PEBP4: variants seen among roughly 807,000 people sequenced by gnomAD.
PEBP4 encodes the protein phosphatidylethanolamine-binding protein 4.
PEBP4 carries 22 observed loss-of-function variants against 23.9 expected under a neutral mutation model. That is an observed-to-expected ratio of 0.92 (90% CI 0.66 to 1.31). The LOEUF (loss-of-function observed/expected upper bound fraction) is 1.31. Ranked by LOEUF, PEBP4 falls within the 40% of genes most tolerant of loss-of-function variation. PEBP4 has a pLI of 0.00. For synonymous variants in PEBP4, 112 were observed against 99.3 expected (o/e 1.13, Z -0.76); for missense variants, 324 against 281.7 (o/e 1.15, Z -1.07).
rs550446576 is a variant in PEBP4, at chr8:22,861,238, A to G, written c.259-43503T>C. 5.9e-5 allele frequency among the ~76,000 whole-genome samples: 9 copies of G among 152,292 alleles called. No individual in the cohort carries two copies. In the South Asian group the frequency reaches 1.7e-3, roughly 28 times the overall value. On this transcript the variant is annotated intron_variant, in intron 3 of 6. Transcript: ENST00000256404. ...AAAGAATTTCACTTTAGCCTACTGAAGTCAGCAGAGGGAGAAGTGGAGGTT... is the reference window on the plus strand; with the variant it reads ...AAAGAATTTCACTTTAGCCTACTGAGGTCAGCAGAGGGAGAAGTGGAGGTT...
chr8:22,852,216 C>A (rs186193299), intron 3 of PEBP4, among the ~76,000 whole-genome samples: 46 of 152,280 alleles, frequency 3.0e-4, no homozygotes, highest in Non-Finnish European at 4.7e-4. Context: ...TTGCCGATTT[C>A]TCTTCCCAAT....
chr8:22,798,301 C>T (rs907597386), intron 4 of PEBP4, among the ~76,000 whole-genome samples: 10 of 152,098 alleles, frequency 6.6e-5, no homozygotes, highest in Non-Finnish European at 1.3e-4. Context: ...AACAACTTGC[C>T]GGTGAACACA....
chr8:22,865,963 G>C lies in PEBP4; in HGVS notation c.259-48228C>G, dbSNP rs1426470917. Reference sequence around the variant, plus strand: ...GGCGCCGGGCGGTGCTGCCCGGAGAGCGCGCAGCCCCCAGCCGGCCGCGCC... The same window carrying C: ...GGCGCCGGGCGGTGCTGCCCGGAGACCGCGCAGCCCCCAGCCGGCCGCGCC... On this transcript the variant is annotated intron_variant, in intron 3 of 6. Coordinates refer to ENST00000256404, the MANE Select transcript of PEBP4 (RefSeq NM_144962.3). This position sits in a 1 kb window ranked among gnomAD's most constrained non-coding sequence, Gnocchi z 6.9. Among the ~76,000 whole-genome samples, 1 of 151,896 alleles carries C rather than the reference G, an allele frequency of 6.6e-6. No individual in the cohort carries two copies. Among genetic ancestry groups the C allele is most frequent in the African/African-American group, 2.4e-5 (1 of 41,398 alleles).
At chr8:22,817,259 A>T (rs1806763916) in intron 4 of PEBP4, among the ~76,000 whole-genome samples, 1 of 152,190 alleles carries the variant, frequency 6.6e-6, no homozygotes, top group Non-Finnish European at 1.5e-5. Context: ...AGTGCCCCCA[A>T]ATCCAGTGGT....
chr8:22,734,597 A>G (rs1215577203), intron 4 of PEBP4, among the ~76,000 whole-genome samples: 2 of 152,228 alleles, frequency 1.3e-5, no homozygotes, highest in Non-Finnish European at 2.9e-5. Flanking sequence ...ATCTTGGCAC[A>G]GTCTGGCAAT....
chr8:22,841,963 G>A (rs1056969494), intron 3 of PEBP4, among the ~76,000 whole-genome samples: 22 of 152,202 alleles, frequency 1.4e-4, no homozygotes, highest in South Asian at 6.2e-4. Flanking sequence ...TATAAGAAAC[G>A]GGCAAGAGAG....
intron 3 of PEBP4, among the ~76,000 whole-genome samples, chr8:22,900,986 GTGACAGA>G (rs1318349965): frequency 6.6e-6 from 1 of 152,230 alleles, no homozygotes; most frequent in Non-Finnish European, 1.5e-5. Flanking sequence ...GCAGCAAGAA[GTGACAGA>G]TGACAGGAGG....
chr8:22,921,672 C>A (rs2466220), intron 2 of PEBP4, among the ~76,000 whole-genome samples: 90,901 of 152,174 alleles, frequency 0.6, 27,610 homozygotes, highest in East Asian at 0.78. Flanking sequence ...GAGTGGAAGC[C>A]GGATGAGTCA....
chr8:22,758,382 G>A (rs532873904), intron 4 of PEBP4, among the ~76,000 whole-genome samples: 24 of 152,324 alleles, frequency 1.6e-4, no homozygotes, highest in African/African-American at 4.6e-4. Context: ...GGCCACATAT[G>A]GTTTTGGTCA....
chr8:22,761,223 A>G (rs971185219), intron 4 of PEBP4, among the ~76,000 whole-genome samples: 4 of 151,954 alleles, frequency 2.6e-5, no homozygotes, highest in Non-Finnish European at 5.9e-5. Flanking sequence ...GCCCCGGGGA[A>G]CTGTGGGGTG....
At chr8:22,930,112 C>G (rs11135688), upstream of PEBP4, among the ~76,000 whole-genome samples, 24,792 of 152,154 alleles carry the variant, frequency 0.16, 2,455 homozygotes, top group East Asian at 0.41. Flanking sequence ...GACCCAGAGT[C>G]CTTCACGTGG....
chr8:22,899,728 G>A (rs538360184), intron 3 of PEBP4, among the ~76,000 whole-genome samples: 1 of 152,302 alleles, frequency 6.6e-6, no homozygotes, highest in South Asian at 2.1e-4. Context: ...ATGCTAGAAA[G>A]GAAATTAAAA....
chr8:22,793,335 T>C (rs1806178808), intron 4 of PEBP4, among the ~76,000 whole-genome samples: 1 of 152,242 alleles, frequency 6.6e-6, no homozygotes, highest in Admixed American at 6.5e-5. Context: ...GGCATGATCT[T>C]GGCTCACTGC....
At chr8:22,789,311 C>T (rs1423049885) in intron 4 of PEBP4, among the ~76,000 whole-genome samples, 1 of 152,052 alleles carries the variant, frequency 6.6e-6, no homozygotes, top group East Asian at 1.9e-4. Flanking sequence ...CGGAAATCAC[C>T]CCTAGAGATC....
chr8:22,724,671 A>G (rs549172845), intron 6 of PEBP4, among the ~76,000 whole-genome samples, 172 bp downstream of exon 6: 25 of 152,312 alleles, frequency 1.6e-4, no homozygotes, highest in Non-Finnish European at 2.9e-4. Context: ...CCTGATGCCA[A>G]CATCTTTAGG....
chr8:22,940,645 C>T (rs922536996), intron 1 of PEBP4, among the ~76,000 whole-genome samples: 5 of 152,034 alleles, frequency 3.3e-5, no homozygotes, highest in Non-Finnish European at 7.4e-5. Context: ...ACCACCACCA[C>T]GCCTGGTTAA....
intron 3 of PEBP4, among the ~76,000 whole-genome samples, chr8:22,827,457 C>A (rs1273170076): frequency 1.3e-5 from 2 of 152,134 alleles, no homozygotes; most frequent in Non-Finnish European, 2.9e-5. Flanking sequence ...CTCCTTTTTG[C>A]CCTTCCTGGA....
intron 3 of PEBP4, among the ~76,000 whole-genome samples, chr8:22,845,755 C>T (rs1585303729): frequency 2.0e-5 from 3 of 152,370 alleles, no homozygotes; most frequent in Admixed American, 6.5e-5. Context: ...CCCCATAAGG[C>T]GCCTCTCGCC....
chr8:22,940,484 A>ATTT (rs1809595592), intron 1 of PEBP4, among the ~76,000 whole-genome samples: 1 of 79,932 alleles, frequency 1.3e-5, no homozygotes, highest in African/African-American at 6.6e-5. Flanking sequence ...TTTACCATGA[A>ATTT]TTTCTCTTTT....
Sources: allele counts gnomAD v4.1 joint callset (sites outside exome capture counted in the v4.1 genomes callset), GRCh38; gene constraint gnomAD v4.1.1; non-coding constraint Gnocchi (gnomAD v3.1); transcripts MANE v1.5; gene names NCBI Gene and HGNC (gene_info 2026-07-23, HGNC 2026-07-21).